The following MFRP variants were observed in gnomAD, a reference collection of about 807,000 sequenced individuals.
MFRP encodes C1q and TNF related 5.
In MFRP, 74 loss-of-function variants were observed where a neutral mutation model predicts 65.8. The observed-to-expected ratio is 1.12, with a 90% CI of 0.93 to 1.36. MFRP has a LOEUF of 1.36. MFRP is among the 40% of genes most tolerant of loss of function. MFRP has a pLI of 0.00. For missense variants in MFRP, 838 were observed against 736.0 expected (o/e 1.14, Z -1.60); for synonymous variants, 336 against 288.3 (o/e 1.17, Z -1.68).
At position 119,345,593 on chromosome 11, in the gene MFRP, G is replaced by A. The variant is rs780044596; in HGVS notation, c.468C>T (p.Ser156=). ...GLLSGPRGFF[S]SPNYPDPYPP... ...GGTAAGGGTCTGGGTAGTTAGGGCT[G>A]CTGAAGAAGCCCCTTGGGCCAGAGA... is the stretch of plus-strand genomic sequence containing the variant. The change falls in exon 5 of 15, where the codon AGC becomes AGT. Residue 156 remains serine (S), a synonymous_variant. Transcript: ENST00000619721. The A allele has an allele frequency of 1.2e-6, 2 of 1,613,896 alleles. No homozygotes were observed. Among genetic ancestry groups the A allele is most frequent in the South Asian group, 2.2e-5 (2 of 91,086 alleles).
Position 119,344,687 on chromosome 11 carries a change from A to G in MFRP, c.843T>C (p.Gly281=), listed in dbSNP as rs1157298244. 1 of 1,614,012 alleles carries G rather than the reference A, an allele frequency of 6.2e-7. No individual in the cohort carries two copies. Among genetic ancestry groups the G allele is most frequent in the Non-Finnish European group, 8.5e-7 (1 of 1,180,018 alleles). Residue 281 remains glycine, a synonymous_variant, in exon 7 of 15, where the codon GGT becomes GGC. Coordinates refer to ENST00000619721, the MANE Select transcript of MFRP (RefSeq NM_031433.4). ...CACTGCCGTCAGCACAGTTGGCAAA[A>G]CCATCACACACTGAGTCAGGTAGCA... ...ICLLPDSVCD[G]FANCADGSDE... is the part of the protein sequence containing the mutation.
chr11:119,340,418 G>T lies in MFRP; in HGVS notation c.*876C>A. 6.5e-7 allele frequency: 1 copy of T among 1,540,662 alleles called. No individual in the cohort carries two copies. Among genetic ancestry groups the T allele is most frequent in the South Asian group, 1.2e-5 (1 of 83,698 alleles). On this transcript the variant is annotated 3_prime_UTR_variant, in exon 14 of 15. Transcript: ENST00000619721. ...CTCATAGCGCTGGCACCGGGAGCCC[G>T]GACGCCGGGGTCCTCTCGCAGTCTG...
At chr11:119,344,497 CAAGT>C in intron 7 of MFRP, 106 bp from the exon 8 acceptor site, 1 of 1,574,578 alleles carries the variant, frequency 6.4e-7, no homozygotes, top group Non-Finnish European at 8.7e-7. Flanking sequence ...CCATGGGAAA[CAAGT>C]TCTGGGCCAA....
At position 119,341,547 on chromosome 11, in the gene MFRP, G is replaced by A. The variant is rs753103667; in HGVS notation, c.*1C>T. 1 of 1,612,058 alleles carries A rather than the reference G, an allele frequency of 6.2e-7. No homozygotes were observed. Among genetic ancestry groups the A allele is most frequent in the East Asian group, 2.2e-5 (1 of 44,874 alleles). ...GAAGAGGGCAGGGGCCGGCTTCAGG[G>A]TCAGGGCTGGGCACAAGCTTCCAGG... On this transcript the variant is annotated 3_prime_UTR_variant, in exon 13 of 15. Transcript: ENST00000619721.
rs1283376665 is a variant in MFRP at position 119,340,371 on chromosome 11, G to A, written c.*923C>T. The A allele has an allele frequency of 2.6e-6, 4 of 1,544,900 alleles. No homozygotes were observed. The highest frequency in any genetic ancestry group is 2.0e-5 in the Admixed American group (1 of 50,866). On this transcript the variant is annotated 3_prime_UTR_variant, in exon 14 of 15. Transcript: ENST00000619721. ...GGGGCGAGCCGGCCGCCAGGCCCAG[G>A]AGCAGCAGGACGAGGAGTGGCCTCA...
chr11:119,344,094 A>G (rs1591304463), intron 8 of MFRP, 130 bp from the exon 9 acceptor site: 3 of 1,237,092 alleles, frequency 2.4e-6, no homozygotes, highest in East Asian at 4.9e-5. Flanking sequence ...GTGGTTCTTA[A>G]GGACCTTTAA....
chr11:119,344,390 C>A lies in MFRP; in HGVS notation c.900G>T (p.Gly300=). The A allele has an allele frequency of 6.2e-7, 1 of 1,613,500 alleles. No homozygotes were observed. Among genetic ancestry groups the A allele is most frequent in the Non-Finnish European group, 8.5e-7 (1 of 1,179,716 alleles). The part of the protein sequence containing the change: ...DETNCSAKFS[G]CGGNLTGLQG... ...GGAGGCCAGTCAGATTCCCCCCACA[C>A]CCTGTAGAGAGGTGGAAGGGCTCAT... Residue 300 remains glycine (G), a splice_region_variant and synonymous_variant, in exon 8 of 15, where the codon GGG becomes GGT. Coordinates refer to ENST00000619721, the MANE Select transcript of MFRP (RefSeq NM_031433.4).
chr11:119,342,058 G>A (rs1235411412), intron 11 of MFRP, 74 bp from the exon 12 acceptor site: 14 of 1,588,198 alleles, frequency 8.8e-6, no homozygotes, highest in Middle Eastern at 1.7e-4. Flanking sequence ...TCACCGAATC[G>A]CTCGGTCCTG....
At position 119,343,796 on chromosome 11, in the gene MFRP, C is replaced by T. The variant is rs1565293900; in HGVS notation, c.1124+20G>A. Reference sequence around the variant, plus strand: ...ACAGTGAGGATGGAGTTATCCATGGCTCTTCCCTGGCTCCTGTACCTGCCC... The same window carrying T: ...ACAGTGAGGATGGAGTTATCCATGGTTCTTCCCTGGCTCCTGTACCTGCCC... On this transcript the variant is annotated intron_variant, in intron 9 of 14. Transcript: ENST00000619721. The T allele has an allele frequency of 6.2e-7, 1 of 1,613,756 alleles. No homozygotes were observed. The highest frequency in any genetic ancestry group is 1.7e-5 in the Admixed American group (1 of 60,028).
chr11:119,340,468 G>C, intron 13 of MFRP, 28 bp from the exon 14 acceptor site: 1 of 1,476,192 alleles, frequency 6.8e-7, no homozygotes, highest in Non-Finnish European at 9.1e-7. Flanking sequence ...CTGGAGTCGG[G>C]ACCCAGAATC....
intron 8 of MFRP, 79 bp downstream of exon 8, chr11:119,344,236 G>A (rs1453772499): frequency 2.3e-6 from 3 of 1,328,544 alleles, no homozygotes; most frequent in African/African-American, 2.9e-5. Context: ...TGTCTACCAT[G>A]CCATTCCCAT....
Position 119,346,271 on chromosome 11 carries a change from C to T in MFRP, c.157+1G>A. 6.2e-7 allele frequency: 1 copy of T among 1,611,630 alleles called. No individual in the cohort carries two copies. ...CCCAGGTCACCCCCTGGGATGGTTA[C>T]CATGCCAGGGAGCTGGGACGCTGTA... On this transcript the variant is annotated splice_donor_variant, in intron 2 of 14. Coordinates refer to ENST00000619721, the MANE Select transcript of MFRP (RefSeq NM_031433.4). LOFTEE classifies it high-confidence loss of function.
In MFRP at chr11:119,341,654, G is replaced by C. The variant is rs377691108; in HGVS notation, c.1634C>G (p.Ala545Gly). ...LPPCRSVCQE[A>G]EHQCQSGLAL... ...CAGGCCAGACTGGCACTGGTGCTCC[G>C]CTTCCTGGCAGACAGAGCGGCAAGG... Residue 545 changes from alanine to glycine, a missense_variant, in exon 13 of 15, where the codon GCG becomes GGG. By Grantham distance (60) the Ala-to-Gly change is moderately conservative. Coordinates refer to ENST00000619721, the MANE Select transcript of MFRP (RefSeq NM_031433.4). 6.2e-7 allele frequency: 1 copy of C among 1,613,000 alleles called. No individual in the cohort carries two copies.
At chr11:119,343,026 C>T in intron 9 of MFRP, 23 bp from the exon 10 acceptor site, 1 of 1,585,698 alleles carries the variant, frequency 6.3e-7, no homozygotes, top group Non-Finnish European at 8.6e-7. Context: ...GACAGCTGTT[C>T]TGGGCACCAG....
intron 9 of MFRP, 123 bp from the exon 10 acceptor site, chr11:119,343,126 AG>A (rs1950520427): frequency 8.1e-7 from 1 of 1,232,532 alleles, no homozygotes; most frequent in South Asian, 1.3e-5. Flanking sequence ...TGGAAGACAC[AG>A]GGTTAGGGTC....
At chr11:119,344,045 A>G (rs1181042000) in intron 8 of MFRP, 81 bp from the exon 9 acceptor site, 2 of 1,550,554 alleles carry the variant, frequency 1.3e-6, no homozygotes, top group East Asian at 4.5e-5. Flanking sequence ...TTCTTCCCCC[A>G]CTGCTGGCTG....
chr11:119,340,030 C>T (rs1950484694), intron 14 of MFRP, among the ~76,000 whole-genome samples, 154 bp downstream of exon 14: 1 of 152,182 alleles, frequency 6.6e-6, no homozygotes. Context: ...GCCAAGGGGG[C>T]TCCCGCCGCC....
Position 119,345,907 on chromosome 11 carries a change from G to A in MFRP, c.293C>T (p.Ser98Phe). ...AGGCAGTGGGCTATGGGACGCCCCA[G>A]ATGGGGGTGCAGCCTGCAGCTCTGG... is the stretch of plus-strand genomic sequence containing the variant. ...ILAQLQAAPP[S>F]GASHSPLPAG... Residue 98 changes from serine to phenylalanine, a missense_variant, in exon 4 of 15, where the codon TCT becomes TTT. Ser to Phe is a radical substitution (Grantham distance 155). Transcript: ENST00000619721. The A allele has an allele frequency of 6.2e-7, 1 of 1,613,766 alleles. No homozygotes were observed. Among genetic ancestry groups the A allele is most frequent in the Non-Finnish European group, 8.5e-7 (1 of 1,179,848 alleles).
chr11:119,340,145 C>T (rs1320132727), intron 14 of MFRP, 39 bp downstream of exon 14: 26 of 1,502,666 alleles, frequency 1.7e-5, no homozygotes, highest in Non-Finnish European at 2.3e-5. Context: ...CGCGCCTGCT[C>T]GGACATCGCC....
Sources: gnomAD v4.1 joint callset for allele counts (sites outside exome capture counted in the v4.1 genomes callset) on GRCh38, gnomAD v4.1.1 for gene constraint, MANE v1.5 for transcripts, NCBI Gene and HGNC (gene_info 2026-07-23, HGNC 2026-07-21) for gene names.